Variants in POLA1 observed in about 807,000 individuals in gnomAD.
POLA1 encodes the protein DNA polymerase alpha 1, catalytic subunit, also known as DNA polymerase alpha catalytic subunit.
In POLA1, 15 loss-of-function variants were observed where a neutral mutation model predicts 124.0. The ratio of observed to expected loss-of-function variants is 0.12; its 90% CI spans 0.08 to 0.19. The LOEUF (loss-of-function observed/expected upper bound fraction) is 0.19, where lower values mean the gene tolerates loss of function less well. POLA1 is among the 10% of genes least tolerant of loss of function. POLA1 has a pLI of 1.00. For missense variants in POLA1, 886 were observed against 1,103.4 expected (o/e 0.80, Z 2.79); for synonymous variants, 408 against 389.4 (o/e 1.05, Z -0.56).
At chrX:24,984,517 A>G (rs1351641352) in intron 36 of POLA1, among the ~76,000 whole-genome samples, 1 of 111,106 alleles carries the variant, frequency 9.0e-6, no homozygotes, top group Non-Finnish European at 1.9e-5. Context: ...CCTACCATCA[A>G]CGTTTTACAC....
intron 4 of POLA1, among the ~76,000 whole-genome samples, chrX:24,709,199 C>G (rs1469639622): frequency 3.1e-5 from 3 of 97,061 alleles, no homozygotes; most frequent in African/African-American, 7.9e-5. Context: ...GGGGGCTGAC[C>G]CCCCCACCTC....
intron 35 of POLA1, among the ~76,000 whole-genome samples, chrX:24,911,669 A>G (rs2047450787): frequency 9.0e-6 from 1 of 111,451 alleles, no homozygotes; most frequent in South Asian, 3.7e-4. Flanking sequence ...TAAAATCTGT[A>G]TTTGGAAAGA....
chrX:24,748,024 G>A (rs759877112), intron 24 of POLA1, among the ~76,000 whole-genome samples: 8 of 111,768 alleles, frequency 7.2e-5, no homozygotes, highest in African/African-American at 1.3e-4. Context: ...GTGAGCCACC[G>A]TGCCCGGCCA....
intron 36 of POLA1, among the ~76,000 whole-genome samples, chrX:24,952,386 T>A (rs917952449): frequency 8.9e-6 from 1 of 112,266 alleles, no homozygotes; most frequent in Non-Finnish European, 1.9e-5. Context: ...TTGCATAGTA[T>A]GTACCTCCAT....
intron 34 of POLA1, among the ~76,000 whole-genome samples, chrX:24,863,737 C>T (rs962556013): frequency 1.8e-5 from 2 of 111,260 alleles, no homozygotes; most frequent in African/African-American, 6.5e-5. Context: ...AATGGTGCTC[C>T]CGCAGTCTCT....
At chrX:24,809,182 C>G (rs968942969) in intron 26 of POLA1, among the ~76,000 whole-genome samples, 1 of 111,186 alleles carries the variant, frequency 9.0e-6, no homozygotes, top group African/African-American at 3.3e-5. Context: ...CACACACTTT[C>G]TCTCTGAGTC....
At chrX:24,988,535 A>G (rs1304631980) in intron 36 of POLA1, among the ~76,000 whole-genome samples, 3 of 112,620 alleles carry the variant, frequency 2.7e-5, no homozygotes, top group Admixed American at 9.4e-5. Context: ...GTACACACCC[A>G]TATCCTGTTA....
At chrX:24,990,901 C>G (rs2048528024) in intron 36 of POLA1, among the ~76,000 whole-genome samples, 1 of 112,197 alleles carries the variant, frequency 8.9e-6, no homozygotes, top group African/African-American at 3.2e-5. Context: ...TTAAGTTGCT[C>G]TCATTCAGCC....
intron 35 of POLA1, among the ~76,000 whole-genome samples, chrX:24,899,268 T>C (rs1484838618): frequency 8.9e-6 from 1 of 112,048 alleles, no homozygotes; most frequent in Non-Finnish European, 1.9e-5. Context: ...GGTAAAAGTA[T>C]ATTGAGAACT....
chrX:24,980,050 T>C (rs986307041), intron 36 of POLA1, among the ~76,000 whole-genome samples: 1 of 111,161 alleles, frequency 9.0e-6, no homozygotes, highest in African/African-American at 3.3e-5. Flanking sequence ...AATTTCCCCT[T>C]AGGGATTTGG....
At chrX:24,757,532 T>G (rs760950644) in intron 26 of POLA1, among the ~76,000 whole-genome samples, 43 of 103,327 alleles carry the variant, frequency 4.2e-4, no homozygotes, top group African/African-American at 1.5e-3. Context: ...CTCCACCTCC[T>G]GGGTTCACGC....
At chrX:24,753,101 T>A (rs1444613586) in intron 26 of POLA1, among the ~76,000 whole-genome samples, 1 of 109,726 alleles carries the variant, frequency 9.1e-6, no homozygotes, top group Non-Finnish European at 1.9e-5. Context: ...AAGCTCCGCC[T>A]CCCGGGTTCA....
chrX:24,787,933 C>T (rs974342322), intron 26 of POLA1, among the ~76,000 whole-genome samples: 41 of 111,876 alleles, frequency 3.7e-4, no homozygotes, highest in Non-Finnish European at 2.1e-4. Flanking sequence ...GCCAGTATCC[C>T]TGATGAACAC....
chrX:24,766,636 G>A (rs1319413754), intron 26 of POLA1, among the ~76,000 whole-genome samples: 2 of 111,558 alleles, frequency 1.8e-5, no homozygotes, highest in Non-Finnish European at 3.8e-5. Context: ...TCAAAATTTG[G>A]AGATGATGGT....
chrX:24,809,257 G>A (rs2045858230), intron 26 of POLA1, among the ~76,000 whole-genome samples: 2 of 110,683 alleles, frequency 1.8e-5, no homozygotes, highest in Non-Finnish European at 3.8e-5. Context: ...TTCTGATCTG[G>A]CTCAAAATAA....
At chrX:24,732,328 G>C (rs764585273) in intron 15 of POLA1, 42 bp from the exon 16 acceptor site, 1 of 788,783 alleles carries the variant, frequency 1.3e-6, no homozygotes, top group South Asian at 2.1e-5. Context: ...AGAATGTATA[G>C]TAGCGGTCTG....
intron 35 of POLA1, among the ~76,000 whole-genome samples, chrX:24,919,886 G>A (rs373661437): frequency 8.9e-5 from 7 of 78,510 alleles, no homozygotes; most frequent in East Asian, 8.8e-4. Context: ...TCACTCTGTC[G>A]CCCAGGCTGG....
intron 34 of POLA1, among the ~76,000 whole-genome samples, chrX:24,845,506 G>C (rs1051116109): frequency 8.9e-6 from 1 of 112,052 alleles, no homozygotes; most frequent in African/African-American, 3.2e-5. Context: ...ATATTTTCCA[G>C]ATCAGAGCTT....
At chrX:24,703,195 T>C in intron 2 of POLA1, 56 bp from the exon 3 acceptor site, 1 of 885,586 alleles carries the variant, frequency 1.1e-6, no homozygotes, top group Non-Finnish European at 1.6e-6. Context: ...TCAGAATTAT[T>C]TAACACTTTG....
Sources: gnomAD v4.1 joint callset for allele counts (sites outside exome capture counted in the v4.1 genomes callset) on GRCh38, gnomAD v4.1.1 for gene constraint, MANE v1.5 for transcripts, NCBI Gene and HGNC (gene_info 2026-07-23, HGNC 2026-07-21) for gene names.